CAPRIN1: variants seen among roughly 807,000 people sequenced by gnomAD.
CAPRIN1 encodes cell cycle associated protein 1, also known as caprin-1.
CAPRIN1 carries 29 observed loss-of-function variants against 100.9 expected under a neutral mutation model. The ratio of observed to expected loss-of-function variants is 0.29; its 90% confidence interval spans 0.21 to 0.39. The LOEUF is 0.39. CAPRIN1 is among the 10% of genes least tolerant of loss of function. The pLI, the probability that CAPRIN1 is intolerant of heterozygous loss-of-function variation, is 1.00. For missense variants in CAPRIN1, 795 were observed against 876.7 expected (o/e 0.91, Z 1.18); for synonymous variants, 338 against 307.5 (o/e 1.10, Z -1.04).
chr11:34,087,328 C>CTTTT (rs1565095087), intron 11 of CAPRIN1, among the ~76,000 whole-genome samples: 9 of 94,612 alleles, frequency 9.5e-5, no homozygotes, highest in African/African-American at 2.9e-4. Flanking sequence ...ATATCTCTCA[C>CTTTT]ATTTTTTTTT....
At position 34,071,753 on chromosome 11, in the gene CAPRIN1, A is replaced by T; in HGVS notation, c.244A>T (p.Met82Leu). 2 of 1,612,448 alleles carry T rather than the reference A, an allele frequency of 1.2e-6. No homozygotes were observed. The highest frequency in any genetic ancestry group is 1.7e-6 in the Non-Finnish European group (2 of 1,178,572). The change falls in exon 3 of 19, where the codon ATG (methionine) becomes TTG (leucine). Residue 82 changes from methionine (M) to leucine (L), a missense_variant. Physicochemically the swap from Met to Leu is conservative, Grantham distance 15. Transcript: ENST00000341394. ...TAAGCTTGATGATTACCAGGAACGA[A>T]TGAACAAAGGGGAAAGGCTTAATCA... ...KGKLDDYQER[M>L]NKGERLNQDQ...
At chr11:34,082,341 C>T (rs1009462765) in intron 7 of CAPRIN1, among the ~76,000 whole-genome samples, 6 of 152,058 alleles carry the variant, frequency 3.9e-5, no homozygotes, top group African/African-American at 1.2e-4. Flanking sequence ...GCGTCCGCCA[C>T]CATGCCCGGC....
intron 2 of CAPRIN1, among the ~76,000 whole-genome samples, chr11:34,069,864 G>C (rs1185028348): frequency 6.9e-6 from 1 of 144,934 alleles, no homozygotes; most frequent in African/African-American, 2.6e-5. Context: ...GGCTAGGCAA[G>C]TTGACATTTG....
intron 2 of CAPRIN1, among the ~76,000 whole-genome samples, chr11:34,065,432 C>T (rs1413583007): frequency 1.3e-5 from 2 of 152,222 alleles, no homozygotes; most frequent in African/African-American, 4.8e-5. Flanking sequence ...ATACCAACTA[C>T]AAATTGCTGG....
chr11:34,058,638 A>C (rs559174829), intron 2 of CAPRIN1, among the ~76,000 whole-genome samples: 1 of 152,142 alleles, frequency 6.6e-6, no homozygotes, highest in Admixed American at 6.5e-5. Flanking sequence ...TCATTGTTGA[A>C]CTTTGTGTTT....
intron 16 of CAPRIN1, 71 bp downstream of exon 16, chr11:34,096,744 A>G (rs1851374732): frequency 1.7e-6 from 2 of 1,208,348 alleles, no homozygotes; most frequent in Non-Finnish European, 2.3e-6. Context: ...TGTAAAATAT[A>G]TCACACAGTT....
In CAPRIN1 at chr11:34,059,933, C is replaced by T. The variant is rs973102432; in HGVS notation, c.216+7297C>T. Among the ~76,000 whole-genome samples the T allele has an allele frequency of 2.1e-5, 3 of 143,562 alleles. No homozygotes were observed. In the South Asian group the frequency reaches 6.7e-4, roughly 32 times the overall value. 94.2% of individuals were successfully genotyped at this position (143,562 alleles called of 152,430 possible). On this transcript the variant is annotated intron_variant, in intron 2 of 18. Coordinates refer to ENST00000341394, the MANE Select transcript of CAPRIN1 (RefSeq NM_005898.5). ...GTAGCAGGCTGGGCATGGTGGCTCACGCCTGTAATCTCAGCACTTTGGGAG... is the reference window on the plus strand; with the variant it reads ...GTAGCAGGCTGGGCATGGTGGCTCATGCCTGTAATCTCAGCACTTTGGGAG...
intron 9 of CAPRIN1, among the ~76,000 whole-genome samples, chr11:34,085,306 G>T (rs2060784529): frequency 6.6e-6 from 1 of 152,104 alleles, no homozygotes; most frequent in Non-Finnish European, 1.5e-5. Flanking sequence ...TATGGTGTTG[G>T]CTGAGAAAAT....
intron 2 of CAPRIN1, among the ~76,000 whole-genome samples, chr11:34,070,482 C>T (rs906726828): frequency 6.6e-6 from 1 of 152,188 alleles, no homozygotes; most frequent in African/African-American, 2.4e-5. Context: ...GCAGCCTTCA[C>T]CTCCAGGGTT....
intron 16 of CAPRIN1, among the ~76,000 whole-genome samples, chr11:34,096,963 T>A (rs887927915): frequency 6.6e-6 from 1 of 152,214 alleles, no homozygotes; most frequent in Non-Finnish European, 1.5e-5. Flanking sequence ...TTGTTTATTA[T>A]ATTTGTACAG....
intron 2 of CAPRIN1, among the ~76,000 whole-genome samples, chr11:34,061,660 T>C (rs1850581174): frequency 6.6e-6 from 1 of 152,000 alleles, no homozygotes; most frequent in Non-Finnish European, 1.5e-5. Flanking sequence ...ACTCTTTAAG[T>C]TCTTGGTGGT....
Position 34,086,311 on chromosome 11 carries a change from A to C in CAPRIN1, c.1129A>C (p.Met377Leu). 2 of 1,613,036 alleles carry C rather than the reference A, an allele frequency of 1.2e-6. No homozygotes were observed. Among genetic ancestry groups the C allele is most frequent in the Non-Finnish European group, 1.7e-6 (2 of 1,179,194 alleles). Residue 377 changes from methionine to leucine, a missense_variant, in exon 11 of 19, where the codon ATG (methionine) becomes CTG (leucine). By Grantham distance (15) the Met-to-Leu change is conservative. Coordinates refer to ENST00000341394, the MANE Select transcript of CAPRIN1 (RefSeq NM_005898.5). ...QGPYNFIQDS[M>L]LDFENQTLDP... ...ATCCTAACTTAACCTGTAGGATTCA[A>C]TGCTGGATTTTGAAAATCAGACACT...
Position 34,091,927 on chromosome 11 carries a change from G to C in CAPRIN1, c.1576G>C (p.Val526Leu), listed in dbSNP as rs370720884. 61 of 1,613,328 alleles carry C rather than the reference G, an allele frequency of 3.8e-5. No homozygotes were observed. Among genetic ancestry groups the C allele is most frequent in the Admixed American group, 5.0e-5 (3 of 59,860 alleles). Residue 526 changes from valine (V) to leucine (L), a missense_variant, in exon 15 of 19, where the codon GTT becomes CTT. By Grantham distance (32) the Val-to-Leu change is conservative (BLOSUM62 1). Coordinates refer to ENST00000341394, the MANE Select transcript of CAPRIN1 (RefSeq NM_005898.5). ...ACAGGTGTTCAATATGAATGCCCCA[G>C]TTCCTCCTGTTAATGAACCAGAAAC... ...MQTVFNMNAP[V>L]PPVNEPETLK...
rs1465213901 is a variant in CAPRIN1 at position 34,100,632 on chromosome 11, T to C, written c.*1265T>C. 6.6e-6 allele frequency: 1 copy of C among 152,340 alleles called. No homozygotes were observed. Among genetic ancestry groups the C allele is most frequent in the Non-Finnish European group, 1.5e-5 (1 of 68,044 alleles). 9.4% of individuals were successfully genotyped at this position (152,340 alleles called of 1,614,324 possible). A position where few individuals can be genotyped will look rare whatever the true frequency, so the allele number is the denominator to read the frequency against. On this transcript the variant is annotated 3_prime_UTR_variant, in exon 19 of 19. Coordinates refer to ENST00000341394, the MANE Select transcript of CAPRIN1 (RefSeq NM_005898.5). Reference sequence around the variant, plus strand: ...CTCTAGTACTTGCACTTATTATCTTTTGTCTAATTTAACCTTAACTGAATT... The same window carrying C: ...CTCTAGTACTTGCACTTATTATCTTCTGTCTAATTTAACCTTAACTGAATT...
intron 4 of CAPRIN1, 51 bp from the exon 5 acceptor site, chr11:34,076,185 C>T: frequency 7.3e-7 from 1 of 1,377,820 alleles, no homozygotes; most frequent in Non-Finnish European, 1.0e-6. Context: ...ATGGATTGAA[C>T]TAAGTTTTAT....
chr11:34,085,777 C>G (rs905018524), intron 9 of CAPRIN1, among the ~76,000 whole-genome samples: 1 of 151,866 alleles, frequency 6.6e-6, no homozygotes. Context: ...GCTGTCCAGC[C>G]TGGGTTACAG....
chr11:34,084,980 C>G (rs980742133), intron 9 of CAPRIN1, among the ~76,000 whole-genome samples: 1 of 151,802 alleles, frequency 6.6e-6, no homozygotes, highest in African/African-American at 2.4e-5. Flanking sequence ...AGGCTATCCA[C>G]ATGAGATTCC....
chr11:34,071,290 G>A (rs757795091), intron 2 of CAPRIN1, among the ~76,000 whole-genome samples: 3 of 152,098 alleles, frequency 2.0e-5, no homozygotes, highest in African/African-American at 4.8e-5. Flanking sequence ...TAGGCTGGGC[G>A]CGGTGGCTCA....
At chr11:34,088,301 C>G (rs1290092518) in intron 11 of CAPRIN1, among the ~76,000 whole-genome samples, 1 of 152,108 alleles carries the variant, frequency 6.6e-6, no homozygotes, top group East Asian at 1.9e-4. Flanking sequence ...CTGTGCCTGG[C>G]CGAAAAGTAC....
Sources: gnomAD v4.1 joint callset for allele counts (sites outside exome capture counted in the v4.1 genomes callset) on GRCh38, gnomAD v4.1.1 for gene constraint, MANE v1.5 for transcripts, NCBI Gene and HGNC (gene_info 2026-07-23, HGNC 2026-07-21) for gene names.